Variants in OTUD7A observed in about 807,000 individuals in gnomAD.
The protein encoded by OTUD7A is OTU deubiquitinase 7A.
OTUD7A carries 12 observed loss-of-function variants against 65.7 expected under a neutral mutation model. That is an observed-to-expected ratio of 0.18 (90% CI 0.12 to 0.30). OTUD7A has a LOEUF of 0.30. OTUD7A is among the 10% of genes least tolerant of loss of function. The pLI, the probability that OTUD7A is intolerant of heterozygous loss-of-function variation, is 1.00. For synonymous variants in OTUD7A, 641 were observed against 586.3 expected, an observed-to-expected ratio of 1.09 and a Z score of -1.35; for missense variants, 1,148 against 1,304.8, an observed-to-expected ratio of 0.88 and a Z score of 1.85.
At position 31,479,033 on chromosome 15, in the gene OTUD7A, C is replaced by T; in HGVS notation, c.*4261G>A. The stretch of plus-strand genomic sequence containing the variant: ...GAGCGCTGGTCACTGCCCCGGCCAG[C>T]CACACTAAAACAGGCCAGCTAGAGT... On this transcript the variant is annotated 3_prime_UTR_variant, in exon 13 of 13. Transcript: ENST00000307050. 6.6e-6 allele frequency: 1 copy of T among 152,486 alleles called. No homozygotes were observed. Among genetic ancestry groups the T allele is most frequent in the Non-Finnish European group, 1.5e-5 (1 of 68,158 alleles). The allele number at this position is 152,486 out of a possible 1,614,324, so 9.4% of individuals were successfully genotyped here.
chr15:31,589,463 G>GTTTTTTT (rs58276599), intron 3 of OTUD7A, among the ~76,000 whole-genome samples: 21 of 116,298 alleles, frequency 1.8e-4, no homozygotes, highest in African/African-American at 5.6e-4. Flanking sequence ...TCCTGGGCTT[G>GTTTTTTT]TTTTTTTTTT....
chr15:31,483,930 C>A lies in OTUD7A; in HGVS notation c.2166G>T (p.Thr722=). Residue 722 remains threonine, a synonymous_variant, in exon 13 of 13, where the codon ACG becomes ACT. Coordinates refer to ENST00000307050, the MANE Select transcript of OTUD7A (RefSeq NM_001382637.1). ...VPERASPGPP[T]QLVLKLKERP... is the part of the protein sequence containing the mutation. ...GCTCCTTGAGCTTGAGCACCAGCTG[C>A]GTGGGTGGGCCCGGAGAGGCGCGCT... The A allele has an allele frequency of 9.1e-7, 1 of 1,093,714 alleles. No individual in the cohort carries two copies. The highest frequency in any genetic ancestry group is 2.7e-5 in the South Asian group (1 of 36,750). 67.8% of individuals were successfully genotyped at this position (1,093,714 alleles called of 1,614,324 possible). A position where few individuals can be genotyped will look rare whatever the true frequency, so the allele number is the denominator to read the frequency against.
chr15:31,603,637 T>C (rs968847616), intron 3 of OTUD7A, among the ~76,000 whole-genome samples: 1 of 152,136 alleles, frequency 6.6e-6, no homozygotes, highest in African/African-American at 2.4e-5. Context: ...CAAAAGAAAC[T>C]ATCATTAGAG....
At chr15:31,560,637 A>G (rs1888658787) in intron 4 of OTUD7A, among the ~76,000 whole-genome samples, 1 of 152,216 alleles carries the variant, frequency 6.6e-6, no homozygotes, top group South Asian at 2.1e-4. Flanking sequence ...CATTTTTCTC[A>G]GGAAAGCATG....
rs1033452470 is a variant in OTUD7A at position 31,630,210 on chromosome 15, C to A, written c.151+24886G>T. Among the ~76,000 whole-genome samples, 419 of 148,670 alleles carry A rather than the reference C, an allele frequency of 2.8e-3. 5 individuals are homozygous for A. The highest frequency in any genetic ancestry group is 0.01 in the African/African-American group (405 of 39,990). ...GGGTGTCGATTTTGGATCTTTCCTGCTTTCTCTTGTGGGCATTTAGTGCTA... is the reference window on the plus strand; with the variant it reads ...GGGTGTCGATTTTGGATCTTTCCTGATTTCTCTTGTGGGCATTTAGTGCTA... On this transcript the variant is annotated intron_variant, in intron 3 of 12. Transcript: ENST00000307050.
At chr15:31,628,102 T>C (rs1891020856) in intron 3 of OTUD7A, among the ~76,000 whole-genome samples, 1 of 152,228 alleles carries the variant, frequency 6.6e-6, no homozygotes, top group Admixed American at 6.5e-5. Flanking sequence ...CTTAATTAGA[T>C]CCCATTTGTC....
intron 3 of OTUD7A, among the ~76,000 whole-genome samples, chr15:31,594,080 T>C (rs1458546821): frequency 1.3e-5 from 2 of 152,192 alleles, no homozygotes; most frequent in South Asian, 2.1e-4. Context: ...TAAAAAGGAA[T>C]TGAAATACTG....
intron 3 of OTUD7A, among the ~76,000 whole-genome samples, chr15:31,652,911 A>C (rs1891882069): frequency 6.6e-6 from 1 of 152,194 alleles, no homozygotes; most frequent in African/African-American, 2.4e-5. Context: ...ACTCTGGAAA[A>C]CAGGTTGGCA....
At chr15:31,860,032 TTTC>T in intron 1 of OTUD7A, among the ~76,000 whole-genome samples, 1 of 152,332 alleles carries the variant, frequency 6.6e-6, no homozygotes, top group East Asian at 1.9e-4. Context: ...CATTATGAAT[TTTC>T]TTTTTTCCTT....
Position 31,482,988 on chromosome 15 carries a change from C to T in OTUD7A, c.*306G>A, listed in dbSNP as rs2041152865. 6.4e-6 allele frequency: 1 copy of T among 156,292 alleles called. No homozygotes were observed. Among genetic ancestry groups the T allele is most frequent in the Non-Finnish European group, 1.4e-5 (1 of 72,334 alleles). The allele number at this position is 156,292 out of a possible 1,614,324, so 9.7% of individuals were successfully genotyped here. ...TCTTAAAACAAAGGGCTGCGAATTT[C>T]TTTATTTCTCTTACTGAGGAACAAA... On this transcript the variant is annotated 3_prime_UTR_variant, in exon 13 of 13. Transcript: ENST00000307050.
intron 10 of OTUD7A, among the ~76,000 whole-genome samples, chr15:31,491,119 G>A (rs1255178681): frequency 1.9e-4 from 27 of 145,598 alleles, no homozygotes; most frequent in Admixed American, 1.8e-3. Flanking sequence ...CCTATGAGGC[G>A]AAAGGAAAGA....
chr15:31,780,232 AG>A (rs1895501055), intron 1 of OTUD7A, among the ~76,000 whole-genome samples: 1 of 152,196 alleles, frequency 6.6e-6, no homozygotes, highest in Non-Finnish European at 1.5e-5. Context: ...CTTCACTTCC[AG>A]TAACACACAC....
At chr15:31,608,856 T>C (rs1210223843) in intron 3 of OTUD7A, among the ~76,000 whole-genome samples, 1 of 152,196 alleles carries the variant, frequency 6.6e-6, no homozygotes, top group Non-Finnish European at 1.5e-5. Flanking sequence ...CAGGAATCTA[T>C]AGACCCTCTG....
chr15:31,861,549 AG>A (rs1897742156), intron 1 of OTUD7A, among the ~76,000 whole-genome samples: 1 of 152,140 alleles, frequency 6.6e-6, no homozygotes, highest in Non-Finnish European at 1.5e-5. Context: ...AGGACCCTGG[AG>A]GGATGTCCCA....
intron 1 of OTUD7A, among the ~76,000 whole-genome samples, chr15:31,797,182 T>C (rs1048686515): frequency 2.0e-5 from 3 of 152,164 alleles, no homozygotes; most frequent in African/African-American, 7.2e-5. Flanking sequence ...CTCAGGAGCA[T>C]GGGAGCCCGC....
intron 3 of OTUD7A, among the ~76,000 whole-genome samples, chr15:31,608,800 G>C (rs1172513825): frequency 6.6e-6 from 1 of 152,210 alleles, no homozygotes; most frequent in Non-Finnish European, 1.5e-5. Flanking sequence ...AGCGTGCGGA[G>C]GCTCGCATCA....
intron 1 of OTUD7A, among the ~76,000 whole-genome samples, chr15:31,838,165 T>C (rs1228715250): frequency 1.3e-5 from 2 of 152,122 alleles, no homozygotes; most frequent in Non-Finnish European, 2.9e-5. Flanking sequence ...ACTACAAAAG[T>C]TTAGAAGAAA....
chr15:31,527,677 T>C lies in OTUD7A; in HGVS notation c.653-369A>G, dbSNP rs2042033189. ...CTGACTAGGGGACAGGGACAGGCTG[T>C]CCAGTGTCCTTATGGAGGGCTCCAG... On this transcript the variant is annotated intron_variant, in intron 6 of 12. Coordinates refer to ENST00000307050, the MANE Select transcript of OTUD7A (RefSeq NM_001382637.1). 2.6e-5 allele frequency among the ~76,000 whole-genome samples: 4 copies of C among 152,170 alleles called. No individual in the cohort carries two copies. In the South Asian group the frequency reaches 8.3e-4, roughly 32 times the overall value.
At chr15:31,736,139 A>AATCTGTAC (rs1265026182) in intron 1 of OTUD7A, among the ~76,000 whole-genome samples, 1 of 152,194 alleles carries the variant, frequency 6.6e-6, no homozygotes, top group Non-Finnish European at 1.5e-5. Context: ...GAGATGAAAT[A>AATCTGTAC]ATCTGTACAA....
Sources: allele counts gnomAD v4.1 joint callset (sites outside exome capture counted in the v4.1 genomes callset), GRCh38; gene constraint gnomAD v4.1.1; transcripts MANE v1.5; gene names NCBI Gene and HGNC (gene_info 2026-07-23, HGNC 2026-07-21).